The following ARL15 variants were observed in gnomAD, a reference collection of about 807,000 sequenced individuals.
ARL15 encodes the protein ADP-ribosylation factor-like protein 15.
In ARL15, 19 loss-of-function variants were observed where a neutral mutation model predicts 25.2. The ratio of observed to expected loss-of-function variants is 0.75; its 90% CI spans 0.53 to 1.10. ARL15 has a LOEUF of 1.10. Among genes scored for constraint, ARL15 ranks in the 50% least tolerant of loss-of-function variants. The probability of loss-of-function intolerance (pLI) is 0.00; values close to 1 mark genes in which losing one functional copy is unlikely to be tolerated. For synonymous variants in ARL15, 94 were observed against 86.8 expected (o/e 1.08, Z -0.46); for missense variants, 220 against 246.0 (o/e 0.89, Z 0.71).
At chr5:54,202,027 G>A (rs930996645) in intron 1 of ARL15, among the ~76,000 whole-genome samples, 24 of 152,150 alleles carry the variant, frequency 1.6e-4, no homozygotes, top group East Asian at 9.6e-4. Context: ...AAATAAATTC[G>A]AAATTTGACA....
chr5:54,203,868 T>C (rs549909955), intron 1 of ARL15, among the ~76,000 whole-genome samples: 1 of 152,130 alleles, frequency 6.6e-6, no homozygotes, highest in Non-Finnish European at 1.5e-5. Context: ...AGGACTTATT[T>C]ATTCAAAGAT....
chr5:53,951,045 T>TG (rs1207212389), intron 4 of ARL15, among the ~76,000 whole-genome samples: 1 of 152,182 alleles, frequency 6.6e-6, no homozygotes, highest in African/African-American at 2.4e-5. Context: ...TTTAAATGGT[T>TG]GGGGGAAAAA....
intron 1 of ARL15, among the ~76,000 whole-genome samples, chr5:54,293,233 G>C (rs1382035359): frequency 1.3e-5 from 2 of 152,148 alleles, no homozygotes; most frequent in African/African-American, 2.4e-5. Context: ...ACACCAAAAA[G>C]AGAACAAAAT....
At chr5:54,221,056 T>C (rs1006080583) in intron 1 of ARL15, among the ~76,000 whole-genome samples, 3 of 152,198 alleles carry the variant, frequency 2.0e-5, no homozygotes, top group African/African-American at 7.2e-5. Context: ...CCAAATTGCT[T>C]CACCATATGG....
chr5:53,964,620 A>C (rs1332126035), intron 4 of ARL15, among the ~76,000 whole-genome samples: 1 of 152,166 alleles, frequency 6.6e-6, no homozygotes, highest in Admixed American at 6.5e-5. Context: ...TTGGCCTCCC[A>C]AAGTGCTGGG....
chr5:54,295,311 C>T (rs1314738221), intron 1 of ARL15, among the ~76,000 whole-genome samples: 1 of 152,048 alleles, frequency 6.6e-6, no homozygotes, highest in Non-Finnish European at 1.5e-5. Flanking sequence ...AACAAAGATC[C>T]CCAGTATAGT....
At chr5:54,248,193 T>A (rs1316823620) in intron 1 of ARL15, among the ~76,000 whole-genome samples, 1 of 152,148 alleles carries the variant, frequency 6.6e-6, no homozygotes, top group Non-Finnish European at 1.5e-5. Context: ...TTTCTGAAGA[T>A]GGAGCATTTG....
At chr5:54,084,434 A>AAG (rs1378465079) in intron 4 of ARL15, among the ~76,000 whole-genome samples, 2 of 151,762 alleles carry the variant, frequency 1.3e-5, no homozygotes, top group African/African-American at 4.8e-5. Flanking sequence ...CAAAAAAAAA[A>AAG]AAAAGAGAGA....
intron 4 of ARL15, among the ~76,000 whole-genome samples, chr5:54,020,208 G>T (rs373238750): frequency 6.6e-6 from 1 of 152,178 alleles, no homozygotes. Flanking sequence ...CAGGAACCTG[G>T]ACTGGCACTG....
chr5:54,023,002 A>G (rs1315322208), intron 4 of ARL15, among the ~76,000 whole-genome samples: 1 of 152,192 alleles, frequency 6.6e-6, no homozygotes, highest in Non-Finnish European at 1.5e-5. Context: ...AAAATGTAAT[A>G]ATGAAATTAA....
intron 4 of ARL15, among the ~76,000 whole-genome samples, chr5:53,888,472 T>A (rs536034151): frequency 1.9e-4 from 29 of 151,944 alleles, no homozygotes; most frequent in African/African-American, 7.0e-4. Context: ...TCTGTAGAGG[T>A]GGGGTCTAAC....
At chr5:54,000,006 AG>A (rs1412740371) in intron 4 of ARL15, among the ~76,000 whole-genome samples, 2 of 152,216 alleles carry the variant, frequency 1.3e-5, no homozygotes, top group Non-Finnish European at 2.9e-5. Context: ...TTTAGCAGCT[AG>A]TTAATAAAAG....
rs562067509 is a variant in ARL15, at chr5:54,212,708, A to G, written c.49-40780T>C. On this transcript the variant is annotated intron_variant, in intron 1 of 4. Transcript: ENST00000504924. ...TTGGCATAATCTGCTCAAAGAAAAT[A>G]TGCTTTCTTAGCTGTGAACTAATTA... is the stretch of plus-strand genomic sequence containing the variant. Among the ~76,000 whole-genome samples, 36 of 152,324 alleles carry G rather than the reference A, an allele frequency of 2.4e-4. 2 individuals are homozygous for G. The highest frequency in any genetic ancestry group is 2.2e-3 in the Admixed American group (33 of 15,304).
chr5:53,999,336 C>T (rs1748780944), intron 4 of ARL15, among the ~76,000 whole-genome samples: 1 of 152,184 alleles, frequency 6.6e-6, no homozygotes, highest in South Asian at 2.1e-4. Context: ...TGCCTGTAAT[C>T]CCAGCACTTT....
chr5:53,979,092 C>G (rs1335927684), intron 4 of ARL15, among the ~76,000 whole-genome samples: 1 of 152,184 alleles, frequency 6.6e-6, no homozygotes, highest in African/African-American at 2.4e-5. Flanking sequence ...GCTACCTGTT[C>G]TGAGTCTATG....
intron 3 of ARL15, among the ~76,000 whole-genome samples, chr5:54,134,547 G>C (rs1753536915): frequency 7.1e-6 from 1 of 139,880 alleles, no homozygotes; most frequent in South Asian, 2.4e-4. Flanking sequence ...TAGCCTGTGA[G>C]CTCCCTGAAG....
chr5:54,026,255 A>G (rs1301585969), intron 4 of ARL15, among the ~76,000 whole-genome samples: 1 of 152,160 alleles, frequency 6.6e-6, no homozygotes, highest in African/African-American at 2.4e-5. Flanking sequence ...CCAAAATTAT[A>G]GCTTTCAATT....
At chr5:54,205,067 T>C (rs1368180103) in intron 1 of ARL15, among the ~76,000 whole-genome samples, 1 of 151,890 alleles carries the variant, frequency 6.6e-6, no homozygotes, top group Non-Finnish European at 1.5e-5. Flanking sequence ...CCCAAGTAGC[T>C]GGGATTTACG....
chr5:54,168,505 T>G (rs1441156463), intron 2 of ARL15, among the ~76,000 whole-genome samples: 1 of 152,050 alleles, frequency 6.6e-6, no homozygotes, highest in Non-Finnish European at 1.5e-5. Context: ...ACTGTCACTT[T>G]TACAGTAGCA....
Sources: allele counts gnomAD v4.1 joint callset (sites outside exome capture counted in the v4.1 genomes callset), GRCh38; gene constraint gnomAD v4.1.1; transcripts MANE v1.5; gene names NCBI Gene and HGNC (gene_info 2026-07-23, HGNC 2026-07-21).